The following AKAP6 variants were observed in gnomAD, a reference collection of about 807,000 sequenced individuals.
AKAP6 encodes A-kinase anchor protein 6.
A neutral mutation model predicts 188.5 loss-of-function variants in AKAP6; 58 were observed. That is an observed-to-expected ratio of 0.31 (90% CI 0.25 to 0.38). The LOEUF (loss-of-function observed/expected upper bound fraction) is 0.38. AKAP6 is among the 10% of genes least tolerant of loss of function. The probability of loss-of-function intolerance (pLI) is 1.00; values close to 1 mark genes in which losing one functional copy is unlikely to be tolerated. For missense variants in AKAP6, 2,710 were observed against 2,740.0 expected, an observed-to-expected ratio of 0.99 and a Z score of 0.24; for synonymous variants, 989 against 998.6, an observed-to-expected ratio of 0.99 and a Z score of 0.18.
intron 7 of AKAP6, among the ~76,000 whole-genome samples, chr14:32,677,345 C>T (rs1416826304): frequency 2.0e-5 from 3 of 152,126 alleles, no homozygotes; most frequent in Non-Finnish European, 2.9e-5. Flanking sequence ...GGCGACTACT[C>T]AACAGCTGAC....
intron 7 of AKAP6, among the ~76,000 whole-genome samples, chr14:32,625,177 A>G (rs17099371): frequency 0.024 from 3,626 of 152,148 alleles, 150 homozygotes; most frequent in African/African-American, 0.083. Context: ...ATTTATTGCT[A>G]TTTGTAAACT....
chr14:32,629,452 A>G (rs1045618056), intron 7 of AKAP6, among the ~76,000 whole-genome samples: 4 of 147,096 alleles, frequency 2.7e-5, no homozygotes, highest in African/African-American at 9.9e-5. Context: ...GAAAGAAGGC[A>G]GTCATGTTTT....
chr14:32,473,803 T>C (rs553449189), intron 2 of AKAP6: 3 of 152,274 alleles, frequency 2.0e-5, no homozygotes, highest in Non-Finnish European at 4.4e-5. Flanking sequence ...CACCACTGTT[T>C]TCTTCGTTTG....
chr14:32,826,633 G>A (rs749517716), intron 13 of AKAP6, among the ~76,000 whole-genome samples: 4 of 152,196 alleles, frequency 2.6e-5, no homozygotes, highest in Non-Finnish European at 4.4e-5. Context: ...CACTGGAGAA[G>A]CCTTTGCGAA....
Position 32,687,400 on chromosome 14 carries a change from A to ATCTCTC in AKAP6, c.2880-8554_2880-8549dup, listed in dbSNP as rs71115092. Among the ~76,000 whole-genome samples the ATCTCTC allele has an allele frequency of 2.9e-3, 375 of 128,978 alleles. 2 individuals are homozygous for ATCTCTC. Among genetic ancestry groups the ATCTCTC allele is most frequent in the African/African-American group, 4.6e-3 (163 of 35,718 alleles). The allele number at this position is 128,978 out of a possible 152,430, so 84.6% of individuals were successfully genotyped here. ...ATATTCATGCTCTGTCATACTAACTATCTCTCTCTCTCTCTCTCTCTCTCT... is the reference window on the plus strand; with the variant it reads ...ATATTCATGCTCTGTCATACTAACTATCTCTCTCTCTCTCTCTCTCTCTCTCTCTCT... On this transcript the variant is annotated intron_variant, in intron 8 of 13. Transcript: ENST00000280979.
At chr14:32,387,519 A>G (rs377386302) in intron 1 of AKAP6, among the ~76,000 whole-genome samples, 1 of 147,798 alleles carries the variant, frequency 6.8e-6, no homozygotes, top group East Asian at 2.0e-4. Flanking sequence ...TAATATATGT[A>G]TTGTTTATTA....
At chr14:32,384,299 G>A (rs1888461498) in intron 1 of AKAP6, among the ~76,000 whole-genome samples, 1 of 152,174 alleles carries the variant, frequency 6.6e-6, no homozygotes, top group South Asian at 2.1e-4. Context: ...AAAGTCTCTA[G>A]GGTAAAGATT....
intron 11 of AKAP6, among the ~76,000 whole-genome samples, chr14:32,758,410 A>G (rs2300841): frequency 0.63 from 96,487 of 152,008 alleles, 32,567 homozygotes; most frequent in East Asian, 0.76. Flanking sequence ...AAATATAGGT[A>G]ATAAACCTGT....
At chr14:32,689,972 C>G (rs1428435144) in intron 8 of AKAP6, among the ~76,000 whole-genome samples, 1 of 151,664 alleles carries the variant, frequency 6.6e-6, no homozygotes, top group African/African-American at 2.4e-5. Context: ...ATAGAACTCC[C>G]AATATAGACA....
chr14:32,469,102 G>A (rs1472274564), intron 2 of AKAP6, among the ~76,000 whole-genome samples: 1 of 152,126 alleles, frequency 6.6e-6, no homozygotes, highest in Non-Finnish European at 1.5e-5. Flanking sequence ...TGTACTGTGA[G>A]AACTGTTGCA....
At chr14:32,516,022 G>T (rs190441158) in intron 2 of AKAP6, among the ~76,000 whole-genome samples, 217 of 152,072 alleles carry the variant, frequency 1.4e-3, no homozygotes, top group African/African-American at 4.9e-3. Context: ...TTGAAGAGAA[G>T]ACCCATCTTC....
intron 2 of AKAP6, among the ~76,000 whole-genome samples, chr14:32,476,398 A>G (rs1436448318): frequency 6.6e-6 from 1 of 152,192 alleles, no homozygotes; most frequent in East Asian, 1.9e-4. Flanking sequence ...GAAGCCCCCA[A>G]AGTCATCTCA....
intron 4 of AKAP6, among the ~76,000 whole-genome samples, chr14:32,563,586 A>G (rs1884053591): frequency 6.6e-6 from 1 of 152,106 alleles, no homozygotes; most frequent in Non-Finnish European, 1.5e-5. Flanking sequence ...TTCCACCTTC[A>G]GCCACCTTGG....
At chr14:32,653,466 T>C (rs1888315137) in intron 7 of AKAP6, among the ~76,000 whole-genome samples, 1 of 152,096 alleles carries the variant, frequency 6.6e-6, no homozygotes, top group East Asian at 1.9e-4. Context: ...CCCCTCACTC[T>C]CTCACTTGCT....
chr14:32,391,749 C>T (rs909433712), intron 1 of AKAP6, among the ~76,000 whole-genome samples: 1 of 152,174 alleles, frequency 6.6e-6, no homozygotes, highest in Non-Finnish European at 1.5e-5. Context: ...GCATCTTCTG[C>T]CATGATTGTA....
chr14:32,540,192 A>ATATATATATATATATATTTTTT (rs1406480125), intron 3 of AKAP6, among the ~76,000 whole-genome samples: 6 of 123,430 alleles, frequency 4.9e-5, no homozygotes, highest in Admixed American at 8.2e-5. Flanking sequence ...ATATATATAT[A>ATATATATATATATATATTTTTT]TTTTAATTTT....
chr14:32,758,865 C>A (rs115622632), intron 11 of AKAP6, among the ~76,000 whole-genome samples: 1 of 152,168 alleles, frequency 6.6e-6, no homozygotes, highest in Non-Finnish European at 1.5e-5. Context: ...CAGACCAAGG[C>A]TCCTCTGGCA....
intron 7 of AKAP6, among the ~76,000 whole-genome samples, chr14:32,627,618 CT>C (rs886327864): frequency 6.6e-6 from 1 of 152,082 alleles, no homozygotes; most frequent in African/African-American, 2.4e-5. Flanking sequence ...AGTGTCTCTT[CT>C]CTTTTTTCTA....
intron 4 of AKAP6, among the ~76,000 whole-genome samples, chr14:32,549,454 G>A (rs186017235): frequency 6.6e-6 from 1 of 152,242 alleles, no homozygotes; most frequent in Non-Finnish European, 1.5e-5. Context: ...ATGAGAATGA[G>A]CATGGATATG....
Sources: gnomAD v4.1 joint callset for allele counts (sites outside exome capture counted in the v4.1 genomes callset) on GRCh38, gnomAD v4.1.1 for gene constraint, MANE v1.5 for transcripts, NCBI Gene and HGNC (gene_info 2026-07-23, HGNC 2026-07-21) for gene names.